The following SDK1 variants were observed in gnomAD, a reference collection of about 807,000 sequenced individuals.
The protein encoded by SDK1 is protein sidekick-1.
In SDK1, 157 loss-of-function variants were observed where a neutral mutation model predicts 245.5. The observed-to-expected ratio is 0.64, with a 90% CI of 0.56 to 0.73. The LOEUF is 0.73. SDK1 is among the 30% of genes least tolerant of loss of function. The probability of loss-of-function intolerance (pLI) is 0.00; values close to 1 mark genes in which losing one functional copy is unlikely to be tolerated. For missense variants in SDK1, 3,583 were observed against 3,002.3 expected (o/e 1.19, Z -4.52); for synonymous variants, 1,647 against 1,278.5 (o/e 1.29, Z -6.15).
At chr7:4,077,516 T>C (rs1376993457) in intron 21 of SDK1, among the ~76,000 whole-genome samples, 1 of 152,174 alleles carries the variant, frequency 6.6e-6, no homozygotes, top group East Asian at 1.9e-4. Context: ...GTAGCGATGA[T>C]TGTATTAGTC....
At chr7:4,204,612 C>G (rs890803885) in intron 35 of SDK1, among the ~76,000 whole-genome samples, 4 of 152,222 alleles carry the variant, frequency 2.6e-5, no homozygotes, top group Non-Finnish European at 5.9e-5. Flanking sequence ...GCTGGGCCAT[C>G]TCCCTCGGAC....
At chr7:4,081,716 C>A (rs1422474051) in intron 22 of SDK1, among the ~76,000 whole-genome samples, 2 of 152,148 alleles carry the variant, frequency 1.3e-5, no homozygotes, top group East Asian at 3.9e-4. Context: ...CCGCACCTGA[C>A]CTGTAAAGAG....
At chr7:3,352,107 CT>C (rs1780674739) in intron 1 of SDK1, among the ~76,000 whole-genome samples, 1 of 149,494 alleles carries the variant, frequency 6.7e-6, no homozygotes, top group African/African-American at 2.4e-5. Context: ...AAGTATATTT[CT>C]TATAATGTAT....
intron 1 of SDK1, among the ~76,000 whole-genome samples, chr7:3,476,457 C>G (rs975591810): frequency 6.6e-6 from 1 of 152,124 alleles, no homozygotes; most frequent in Non-Finnish European, 1.5e-5. Context: ...TGCCATTGTT[C>G]TCATTGTAAT....
intron 1 of SDK1, among the ~76,000 whole-genome samples, chr7:3,497,768 T>C (rs530198908): frequency 6.6e-6 from 1 of 152,322 alleles, no homozygotes; most frequent in East Asian, 1.9e-4. Flanking sequence ...TGATTTTGTT[T>C]CCTTTCTTTC....
chr7:3,755,057 T>A (rs1459964880), intron 4 of SDK1, among the ~76,000 whole-genome samples: 1 of 152,216 alleles, frequency 6.6e-6, no homozygotes, highest in Non-Finnish European at 1.5e-5. Context: ...CAGAGGCTAT[T>A]TATTCAGAGC....
At chr7:3,796,999 T>C (rs529367514) in intron 4 of SDK1, among the ~76,000 whole-genome samples, 25 of 152,124 alleles carry the variant, frequency 1.6e-4, no homozygotes, top group Admixed American at 4.6e-4. Flanking sequence ...TTTTCTTTCT[T>C]TCTTTCTTTC....
chr7:3,782,539 A>G (rs1485021779), intron 4 of SDK1, among the ~76,000 whole-genome samples: 1 of 152,222 alleles, frequency 6.6e-6, no homozygotes. Flanking sequence ...ATCAAAAATC[A>G]AAGACAAAAA....
intron 4 of SDK1, among the ~76,000 whole-genome samples, chr7:3,674,871 T>C (rs898598211): frequency 6.6e-6 from 1 of 152,150 alleles, no homozygotes; most frequent in Non-Finnish European, 1.5e-5. Flanking sequence ...TTAATGCTGG[T>C]AGACTCAAGC....
intron 39 of SDK1, 107 bp downstream of exon 39, chr7:4,220,377 G>T: frequency 8.0e-7 from 1 of 1,256,514 alleles, no homozygotes; most frequent in South Asian, 1.5e-5. Flanking sequence ...TGATGTTGGC[G>T]GCCAAGAGCT....
intron 1 of SDK1, among the ~76,000 whole-genome samples, chr7:3,418,652 GTATT>G (rs1254758257): frequency 1.3e-5 from 2 of 152,176 alleles, no homozygotes; most frequent in African/African-American, 4.8e-5. Context: ...CCTTGTGAAG[GTATT>G]TATTGTTAAG....
chr7:4,163,041 T>C (rs1460035241), intron 32 of SDK1, among the ~76,000 whole-genome samples: 4 of 152,118 alleles, frequency 2.6e-5, no homozygotes, highest in African/African-American at 9.7e-5. Flanking sequence ...GGGCTAGAGC[T>C]TGGCCTGGCA....
chr7:4,193,406 G>A (rs1273070439), intron 35 of SDK1, among the ~76,000 whole-genome samples: 1 of 130,474 alleles, frequency 7.7e-6, no homozygotes, highest in Non-Finnish European at 1.5e-5. Flanking sequence ...ATAAAGGGGA[G>A]TTTATTAAAT....
intron 44 of SDK1, among the ~76,000 whole-genome samples, chr7:4,254,091 T>C (rs1480692125): frequency 2.0e-5 from 3 of 152,208 alleles, no homozygotes; most frequent in African/African-American, 7.2e-5. Context: ...TATTTCTTCC[T>C]TTTCTTTTTG....
At chr7:3,882,957 G>T (rs896958197) in intron 5 of SDK1, among the ~76,000 whole-genome samples, 6 of 152,166 alleles carry the variant, frequency 3.9e-5, no homozygotes, top group African/African-American at 1.4e-4. Flanking sequence ...TGGAACATTT[G>T]CCCCGTTTCC....
intron 4 of SDK1, among the ~76,000 whole-genome samples, chr7:3,735,424 G>A (rs1779292449): frequency 6.6e-6 from 1 of 152,136 alleles, no homozygotes. Context: ...AGAGTATTTT[G>A]ACTTTGTGTG....
intron 1 of SDK1, among the ~76,000 whole-genome samples, chr7:3,567,834 C>T (rs182627029): frequency 7.2e-5 from 11 of 152,130 alleles, no homozygotes; most frequent in African/African-American, 2.7e-4. Context: ...TCTTCTAAGG[C>T]AGGGTCTTGC....
At chr7:3,917,281 C>T (rs1044940771) in intron 5 of SDK1, among the ~76,000 whole-genome samples, 1 of 152,182 alleles carries the variant, frequency 6.6e-6, no homozygotes, top group African/African-American at 2.4e-5. Context: ...ATTCATTATG[C>T]ACTTAGCTAA....
At chr7:3,365,040 T>C (rs1583749284) in intron 1 of SDK1, among the ~76,000 whole-genome samples, 2 of 152,340 alleles carry the variant, frequency 1.3e-5, no homozygotes, top group East Asian at 3.9e-4. Context: ...AGTAGTATTG[T>C]ATTTTAAATT....
Sources: allele counts gnomAD v4.1 joint callset (sites outside exome capture counted in the v4.1 genomes callset), GRCh38; gene constraint gnomAD v4.1.1; transcripts MANE v1.5; gene names NCBI Gene and HGNC (gene_info 2026-07-23, HGNC 2026-07-21).